GRM5: variants seen among roughly 807,000 people sequenced by gnomAD.
GRM5 encodes glutamate metabotropic receptor 5.
In GRM5, 19 loss-of-function variants were observed where a neutral mutation model predicts 83.1. The observed-to-expected ratio is 0.23, with a 90% CI of 0.16 to 0.34. GRM5 has a LOEUF of 0.34. Among genes scored for constraint, GRM5 ranks in the 10% least tolerant of loss-of-function variants. The pLI, the probability that GRM5 is intolerant of heterozygous loss-of-function variation, is 1.00. For synonymous variants in GRM5, 675 were observed against 633.6 expected, an observed-to-expected ratio of 1.07 and a Z score of -0.98; for missense variants, 1,160 against 1,588.3, an observed-to-expected ratio of 0.73 and a Z score of 4.58.
rs1941659340 is a variant in GRM5 at position 89,047,166 on chromosome 11, T to C, written c.661+46A>G. 7.2e-7 allele frequency: 1 copy of C among 1,396,170 alleles called. No individual in the cohort carries two copies. The highest frequency in any genetic ancestry group is 1.4e-5 in the African/African-American group (1 of 69,574). 86.5% of individuals were successfully genotyped at this position (1,396,170 alleles called of 1,614,324 possible). ...CTTCCCAAACCTGAAATTGTAACTGTTGAGTGCATAATAATATATACTCGA... is the reference window on the plus strand; with the variant it reads ...CTTCCCAAACCTGAAATTGTAACTGCTGAGTGCATAATAATATATACTCGA... On this transcript the variant is annotated intron_variant, in intron 2 of 9. Coordinates refer to ENST00000305447, the MANE Select transcript of GRM5 (RefSeq NM_001143831.3). The surrounding 1 kb of genome is among the most constrained non-coding windows in gnomAD (Gnocchi z 5.1).
At chr11:88,866,840 G>T (rs778943152) in intron 2 of GRM5, among the ~76,000 whole-genome samples, 1 of 152,094 alleles carries the variant, frequency 6.6e-6, no homozygotes, top group Admixed American at 6.6e-5. Flanking sequence ...ATGGTTTTAG[G>T]TATTAGTTTA....
In GRM5 at chr11:89,040,177, T is replaced by C. The variant is rs192793318; in HGVS notation, c.661+7035A>G. Among the ~76,000 whole-genome samples, 439 of 152,270 alleles carry C rather than the reference T, an allele frequency of 2.9e-3. 1 individual carries two copies. The highest frequency in any genetic ancestry group is 1.0e-2 in the African/African-American group (415 of 41,566). On this transcript the variant is annotated intron_variant, in intron 2 of 9. Coordinates refer to ENST00000305447, the MANE Select transcript of GRM5 (RefSeq NM_001143831.3). Reference sequence around the variant, plus strand: ...ATGCAAGGAGTTGAAGTGACTTTCTTGGAGTCACAGAGTAAAATCCTTAGT... The same window carrying C: ...ATGCAAGGAGTTGAAGTGACTTTCTCGGAGTCACAGAGTAAAATCCTTAGT...
intron 3 of GRM5, among the ~76,000 whole-genome samples, chr11:88,750,248 T>C (rs1942240259): frequency 6.6e-6 from 1 of 151,900 alleles, no homozygotes; most frequent in African/African-American, 2.4e-5. Flanking sequence ...GGAAAAGGGA[T>C]AGCAAGAAAA....
intron 2 of GRM5, among the ~76,000 whole-genome samples, chr11:89,041,950 G>A (rs1034605710): frequency 5.9e-5 from 9 of 152,160 alleles, no homozygotes; most frequent in Non-Finnish European, 1.0e-4. Flanking sequence ...AAATCTTTCA[G>A]AGTTTCCGCA....
chr11:88,539,055 G>A (rs112939652), intron 8 of GRM5, among the ~76,000 whole-genome samples: 350 of 152,232 alleles, frequency 2.3e-3, no homozygotes, highest in Non-Finnish European at 3.9e-3. Flanking sequence ...CTACCCTTTT[G>A]GATAGGAAGA....
intron 2 of GRM5, among the ~76,000 whole-genome samples, chr11:88,981,771 C>T (rs1468407664): frequency 6.6e-6 from 1 of 152,106 alleles, no homozygotes; most frequent in Non-Finnish European, 1.5e-5. Context: ...TTCTGGTTAC[C>T]TTCTATAGCC....
intron 8 of GRM5, among the ~76,000 whole-genome samples, chr11:88,549,815 C>T (rs998420768): frequency 3.9e-5 from 6 of 152,022 alleles, no homozygotes; most frequent in South Asian, 2.1e-4. Flanking sequence ...CATGTATACC[C>T]GCTGAACTCA....
chr11:89,057,846 A>C (rs1339339884), intron 1 of GRM5, among the ~76,000 whole-genome samples: 1 of 152,188 alleles, frequency 6.6e-6, no homozygotes, highest in African/African-American at 2.4e-5. Flanking sequence ...TAATATTTAT[A>C]AAGTGCCTTC....
intron 3 of GRM5, among the ~76,000 whole-genome samples, chr11:88,711,605 G>A (rs1941281113): frequency 6.6e-6 from 1 of 152,130 alleles, no homozygotes; most frequent in South Asian, 2.1e-4. Context: ...CCATAAACAA[G>A]TCATATCATC....
In GRM5 at chr11:88,567,644, ATCT is replaced by A. The variant is rs1942903073; in HGVS notation, c.2036_2038del (p.Lys679del). ...CATGAATCTGGGCTTTTTGGTACAG[ATCT>A]TCTTCTTGCTGCCAGCCAGGATCCT... is the stretch of plus-strand genomic sequence containing the variant. On this transcript the variant is annotated inframe_deletion, in exon 8 of 10. Transcript: ENST00000305447. The surrounding 1 kb of genome is among the most constrained non-coding windows in gnomAD (Gnocchi z 7.3). The A allele has an allele frequency of 3.7e-6, 6 of 1,614,126 alleles. No homozygotes were observed. The highest frequency in any genetic ancestry group is 2.2e-5 in the East Asian group (1 of 44,870).
At chr11:88,965,370 G>A (rs1037804791) in intron 2 of GRM5, among the ~76,000 whole-genome samples, 41 of 151,984 alleles carry the variant, frequency 2.7e-4, no homozygotes, top group Admixed American at 2.3e-3. Context: ...TCTTCTAAGG[G>A]CACTAATTCC....
At chr11:88,527,007 G>A (rs1371097096) in intron 8 of GRM5, among the ~76,000 whole-genome samples, 4 of 152,124 alleles carry the variant, frequency 2.6e-5, no homozygotes, top group Non-Finnish European at 5.9e-5. Flanking sequence ...AAAGAACTTA[G>A]AGACTTTGTT....
In GRM5 at chr11:88,750,442, G is replaced by T. The variant is rs923943797; in HGVS notation, c.912-97039C>A. On this transcript the variant is annotated intron_variant, in intron 3 of 9. Transcript: ENST00000305447. The stretch of plus-strand genomic sequence containing the variant: ...AAGAGCACCTGGATTCATAAAGCAA[G>T]TTCTTAGAGACCTCCAAAGAGACTT... Among the ~76,000 whole-genome samples, 4 of 152,160 alleles carry T rather than the reference G, an allele frequency of 2.6e-5. No individual in the cohort carries two copies. The East Asian group carries it at 7.7e-4, about 29-fold the overall frequency.
At chr11:88,963,693 A>C (rs1272751040) in intron 2 of GRM5, among the ~76,000 whole-genome samples, 1 of 152,052 alleles carries the variant, frequency 6.6e-6, no homozygotes, top group Non-Finnish European at 1.5e-5. Flanking sequence ...TAATTTCTTA[A>C]TTTGGATGTT....
intron 3 of GRM5, among the ~76,000 whole-genome samples, chr11:88,806,518 G>A (rs1018468511): frequency 3.9e-5 from 6 of 152,104 alleles, no homozygotes; most frequent in Admixed American, 1.3e-4. Flanking sequence ...AGTTAATCAA[G>A]TTCTAGAGGC....
At chr11:88,990,255 A>T (rs548746339) in intron 2 of GRM5, among the ~76,000 whole-genome samples, 2 of 152,274 alleles carry the variant, frequency 1.3e-5, no homozygotes, top group East Asian at 3.9e-4. Context: ...TAAACTCGAA[A>T]ATCTAGAAGA....
chr11:88,636,513 G>A (rs571622302), intron 4 of GRM5, among the ~76,000 whole-genome samples: 9 of 149,670 alleles, frequency 6.0e-5, no homozygotes, highest in East Asian at 2.0e-4. Context: ...GTGACAGAGC[G>A]AGACTGTCTC....
At chr11:88,810,184 T>C (rs567211294) in intron 3 of GRM5, among the ~76,000 whole-genome samples, 11 of 152,148 alleles carry the variant, frequency 7.2e-5, no homozygotes, top group African/African-American at 2.2e-4. Flanking sequence ...CAGCCTAGAT[T>C]AGCAAGTTTG....
chr11:88,845,400 G>A (rs1453164474), intron 3 of GRM5, among the ~76,000 whole-genome samples: 1 of 144,862 alleles, frequency 6.9e-6, no homozygotes, highest in Non-Finnish European at 1.5e-5. Context: ...CACTTATTAG[G>A]CTACAGTACA....
Sources: allele counts gnomAD v4.1 joint callset (sites outside exome capture counted in the v4.1 genomes callset), GRCh38; gene constraint gnomAD v4.1.1; non-coding constraint Gnocchi (gnomAD v3.1); transcripts MANE v1.5; gene names NCBI Gene and HGNC (gene_info 2026-07-23, HGNC 2026-07-21).